The following WWOX variants were observed in gnomAD, a reference collection of about 807,000 sequenced individuals.
WWOX encodes WW domain containing oxidoreductase.
A neutral mutation model predicts 46.2 loss-of-function variants in WWOX; 69 were observed. The ratio of observed to expected loss-of-function variants is 1.49; its 90% CI spans 1.23 to 1.82. The LOEUF (loss-of-function observed/expected upper bound fraction) is 1.82. Among genes scored for constraint, WWOX ranks in the 40% most tolerant of loss-of-function variants. The pLI, the probability that WWOX is intolerant of heterozygous loss-of-function variation, is 0.00. For missense variants in WWOX, 919 were observed against 542.6 expected, an observed-to-expected ratio of 1.69 and a Z score of -6.89; for synonymous variants, 359 against 202.6, an observed-to-expected ratio of 1.77 and a Z score of -6.56.
At position 79,021,672 on chromosome 16, in the gene WWOX, C is replaced by T. The variant is rs529099686; in HGVS notation, c.1057-189936C>T. On this transcript the variant is annotated intron_variant, in intron 8 of 8. Coordinates refer to ENST00000566780, the MANE Select transcript of WWOX (RefSeq NM_016373.4). ...GACAAACACACAGATGCTTCTCACA[C>T]GATCGCAGTGCATTGCCTAAATGAC... Among the ~76,000 whole-genome samples the T allele has an allele frequency of 5.9e-5, 9 of 152,256 alleles. No individual in the cohort carries two copies. The South Asian group carries it at 1.2e-3, about 21-fold the overall frequency.
intron 8 of WWOX, among the ~76,000 whole-genome samples, chr16:78,548,242 A>G (rs919272000): frequency 6.6e-6 from 1 of 151,598 alleles, no homozygotes; most frequent in African/African-American, 2.4e-5. Flanking sequence ...GATTTGAGCT[A>G]AGACTCTGCT....
In WWOX at chr16:78,622,542, T is replaced by TA. The variant is rs35888465; in HGVS notation, c.1056+189804dup. 2.9e-4 allele frequency among the ~76,000 whole-genome samples: 42 copies of TA among 144,228 alleles called. No individual in the cohort carries two copies. The South Asian group carries it at 3.6e-3, about 12-fold the overall frequency. 94.6% of individuals were successfully genotyped at this position (144,228 alleles called of 152,430 possible). A position where few individuals can be genotyped will look rare whatever the true frequency, so the allele number is the denominator to read the frequency against. ...GGGTGACAAGAGTGAAACTCCATCT[T>TA]AAAAAAAAAAAAAAGTGAACCCTTG... On this transcript the variant is annotated intron_variant, in intron 8 of 8. Transcript: ENST00000566780.
intron 8 of WWOX, among the ~76,000 whole-genome samples, chr16:78,554,264 C>T (rs1309197737): frequency 5.3e-5 from 8 of 152,146 alleles, no homozygotes; most frequent in African/African-American, 1.7e-4. Context: ...TCAAGATTTT[C>T]ACTATCAGTG....
At chr16:78,527,751 G>C (rs1427313549) in intron 8 of WWOX, among the ~76,000 whole-genome samples, 1 of 57,656 alleles carries the variant, frequency 1.7e-5, no homozygotes, top group Non-Finnish European at 4.4e-5. Flanking sequence ...GAGTGATATT[G>C]CCTGCCAGGG....
intron 5 of WWOX, among the ~76,000 whole-genome samples, chr16:78,192,362 G>A (rs963682949): frequency 6.6e-6 from 1 of 151,844 alleles, no homozygotes. Flanking sequence ...TTGGTGGCAC[G>A]TGCCTGTAGT....
At chr16:78,862,135 T>C (rs2043899698) in intron 8 of WWOX, among the ~76,000 whole-genome samples, 1 of 151,912 alleles carries the variant, frequency 6.6e-6, no homozygotes, top group African/African-American at 2.4e-5. Context: ...TCTATCTATA[T>C]CTATACACAC....
chr16:78,414,670 C>T (rs915541144), intron 6 of WWOX, among the ~76,000 whole-genome samples: 1 of 152,194 alleles, frequency 6.6e-6, no homozygotes, highest in Non-Finnish European at 1.5e-5. Flanking sequence ...GAGAAAGTTG[C>T]AAATCTTGTG....
intron 8 of WWOX, among the ~76,000 whole-genome samples, chr16:78,826,899 G>T (rs2051672812): frequency 6.6e-6 from 1 of 152,086 alleles, no homozygotes. Flanking sequence ...AGTGGAAGTG[G>T]TATTCATTGA....
intron 5 of WWOX, among the ~76,000 whole-genome samples, chr16:78,355,152 A>G (rs2081259264): frequency 6.6e-6 from 1 of 152,144 alleles, no homozygotes; most frequent in African/African-American, 2.4e-5. Context: ...AAAAGTAGAG[A>G]GGATAGTATA....
At chr16:78,664,232 A>G (rs1317882023) in intron 8 of WWOX, among the ~76,000 whole-genome samples, 1 of 152,178 alleles carries the variant, frequency 6.6e-6, no homozygotes, top group Non-Finnish European at 1.5e-5. Context: ...GCATATTCAA[A>G]TGTAATTGTC....
At chr16:79,171,310 A>G (rs946450392) in intron 8 of WWOX, among the ~76,000 whole-genome samples, 6 of 152,252 alleles carry the variant, frequency 3.9e-5, no homozygotes, top group Non-Finnish European at 8.8e-5. Flanking sequence ...ATATCTAATA[A>G]CATGATTACA....
At position 79,112,346 on chromosome 16, in the gene WWOX, G is replaced by T. The variant is rs115376896; in HGVS notation, c.1057-99262G>T. 2.1e-3 allele frequency among the ~76,000 whole-genome samples: 321 copies of T among 152,170 alleles called. 1 individual carries two copies. Among genetic ancestry groups the T allele is most frequent in the African/African-American group, 7.2e-3 (301 of 41,524 alleles). On this transcript the variant is annotated intron_variant, in intron 8 of 8. Transcript: ENST00000566780. ...AACCTTCATTCTGAATATTTTTGAG[G>T]CTCATGACAGACCAAAAGAGCCAGA...
intron 8 of WWOX, among the ~76,000 whole-genome samples, chr16:78,977,443 C>G (rs1006001441): frequency 1.4e-4 from 21 of 152,284 alleles, no homozygotes; most frequent in African/African-American, 4.8e-4. Flanking sequence ...AAAGCACACA[C>G]CAGAAGCTAT....
chr16:79,008,345 C>T (rs1048872863), intron 8 of WWOX, among the ~76,000 whole-genome samples: 5 of 152,186 alleles, frequency 3.3e-5, no homozygotes, highest in Non-Finnish European at 5.9e-5. Flanking sequence ...AGATCAGTCC[C>T]ACTTAGGATT....
intron 8 of WWOX, among the ~76,000 whole-genome samples, chr16:78,545,159 G>A (rs937570154): frequency 6.6e-6 from 1 of 152,112 alleles, no homozygotes; most frequent in Non-Finnish European, 1.5e-5. Flanking sequence ...TGACTGATTA[G>A]CAGTAACTGC....
rs570002391 is a variant in WWOX at position 78,566,024 on chromosome 16, C to G, written c.1056+133272C>G. On this transcript the variant is annotated intron_variant, in intron 8 of 8. Transcript: ENST00000566780. ...TTAAACAGCAGACCTCTATTCCTCA[C>G]AGTCTAGAGGCTGGGAAGTCCAAGG... Among the ~76,000 whole-genome samples the G allele has an allele frequency of 2.0e-4, 31 of 152,152 alleles. No individual in the cohort carries two copies. In the South Asian group the frequency reaches 6.2e-3, roughly 31 times the overall value.
chr16:78,815,561 C>A (rs1015934454), intron 8 of WWOX, among the ~76,000 whole-genome samples: 2 of 152,300 alleles, frequency 1.3e-5, no homozygotes, highest in African/African-American at 4.8e-5. Flanking sequence ...ATGATGACCT[C>A]CTTGCCCAAT....
chr16:78,444,116 C>G (rs1169260125), intron 8 of WWOX, among the ~76,000 whole-genome samples: 1 of 152,186 alleles, frequency 6.6e-6, no homozygotes, highest in Non-Finnish European at 1.5e-5. Context: ...ACTCCTCTCC[C>G]TCTTCTTTTT....
intron 5 of WWOX, among the ~76,000 whole-genome samples, chr16:78,386,022 G>C (rs1404740418): frequency 6.6e-6 from 1 of 152,186 alleles, no homozygotes; most frequent in African/African-American, 2.4e-5. Flanking sequence ...GAACACCATT[G>C]CTTCAAATCC....
Sources: gnomAD v4.1 joint callset for allele counts (sites outside exome capture counted in the v4.1 genomes callset) on GRCh38, gnomAD v4.1.1 for gene constraint, MANE v1.5 for transcripts, NCBI Gene and HGNC (gene_info 2026-07-23, HGNC 2026-07-21) for gene names.